The following GPC5 variants were observed in gnomAD, a reference collection of about 807,000 sequenced individuals.
GPC5 encodes glypican 5, also known as glypican-5.
A neutral mutation model predicts 53.9 loss-of-function variants in GPC5; 47 were observed. The ratio of observed to expected loss-of-function variants is 0.87; its 90% CI spans 0.69 to 1.11. The LOEUF (loss-of-function observed/expected upper bound fraction) is 1.11, where lower values mean the gene tolerates loss of function less well. GPC5 is among the 50% of genes most tolerant of loss of function. GPC5 has a pLI of 0.00. For synonymous variants in GPC5, 286 were observed against 263.3 expected (o/e 1.09, Z -0.84); for missense variants, 748 against 713.1 (o/e 1.05, Z -0.56).
intron 2 of GPC5, among the ~76,000 whole-genome samples, chr13:91,603,620 C>T (rs928152573): frequency 1.3e-5 from 2 of 152,234 alleles, no homozygotes; most frequent in East Asian, 1.9e-4. Context: ...GGATCTAAAT[C>T]GTAAACACAG....
intron 7 of GPC5, among the ~76,000 whole-genome samples, chr13:92,669,124 A>G (rs1331519374): frequency 6.6e-6 from 1 of 152,148 alleles, no homozygotes; most frequent in Non-Finnish European, 1.5e-5. Context: ...TCTAACTTTA[A>G]TCACACCAAA....
At chr13:91,578,863 T>C (rs1010159132) in intron 2 of GPC5, among the ~76,000 whole-genome samples, 2 of 151,650 alleles carry the variant, frequency 1.3e-5, no homozygotes, top group Admixed American at 6.6e-5. Flanking sequence ...CTGGGTAACA[T>C]TGTGAAAACC....
intron 6 of GPC5, among the ~76,000 whole-genome samples, chr13:91,978,682 A>G (rs556703222): frequency 6.6e-6 from 1 of 152,306 alleles, no homozygotes; most frequent in South Asian, 2.1e-4. Flanking sequence ...TGGACCATGG[A>G]AAGGAGTGAG....
intron 7 of GPC5, among the ~76,000 whole-genome samples, chr13:92,251,567 G>T (rs1261150625): frequency 3.3e-5 from 5 of 151,972 alleles, no homozygotes. Context: ...CATGATCATG[G>T]GAACGAGCTA....
intron 7 of GPC5, among the ~76,000 whole-genome samples, chr13:92,673,282 C>CT (rs1175742330): frequency 6.9e-6 from 1 of 145,428 alleles, no homozygotes. Context: ...TTTTCTTTTT[C>CT]TTTTTCTTTT....
chr13:91,870,271 G>C (rs976874175), intron 5 of GPC5, among the ~76,000 whole-genome samples: 3 of 152,144 alleles, frequency 2.0e-5, no homozygotes, highest in African/African-American at 7.2e-5. Flanking sequence ...CAAGAGAATG[G>C]TTTGTTAGAA....
chr13:92,506,445 T>C (rs1880372264), intron 7 of GPC5, among the ~76,000 whole-genome samples: 1 of 152,136 alleles, frequency 6.6e-6, no homozygotes, highest in Non-Finnish European at 1.5e-5. Flanking sequence ...TTTTAAATAA[T>C]AATTGATTAT....
At chr13:92,453,405 T>C (rs1175301757) in intron 7 of GPC5, among the ~76,000 whole-genome samples, 2 of 152,034 alleles carry the variant, frequency 1.3e-5, no homozygotes, top group South Asian at 2.1e-4. Flanking sequence ...ACATGGAAAA[T>C]AGGTTGAACT....
chr13:92,528,853 G>T (rs1289855551), intron 7 of GPC5, among the ~76,000 whole-genome samples: 1 of 151,610 alleles, frequency 6.6e-6, no homozygotes, highest in African/African-American at 2.4e-5. Flanking sequence ...TATAAAATAG[G>T]GTTAGACTAT....
chr13:91,831,247 G>T (rs1479380306), intron 5 of GPC5, among the ~76,000 whole-genome samples: 1 of 151,364 alleles, frequency 6.6e-6, no homozygotes, highest in African/African-American at 2.4e-5. Flanking sequence ...TTGGAGGGCA[G>T]GAAGCATCCA....
chr13:91,502,746 T>C (rs1884713128), intron 2 of GPC5, among the ~76,000 whole-genome samples: 1 of 152,246 alleles, frequency 6.6e-6, no homozygotes, highest in South Asian at 2.1e-4. Context: ...TGGCAGGTAA[T>C]GTGCTGGTTA....
intron 2 of GPC5, among the ~76,000 whole-genome samples, chr13:91,685,413 G>A (rs2035600819): frequency 6.6e-6 from 1 of 152,176 alleles, no homozygotes; most frequent in Non-Finnish European, 1.5e-5. Context: ...TAGTTTGGAT[G>A]TATTTGGTAA....
chr13:92,611,563 ATGGAATC>A (rs1361565031), intron 7 of GPC5, among the ~76,000 whole-genome samples: 3 of 151,696 alleles, frequency 2.0e-5, no homozygotes, highest in African/African-American at 7.3e-5. Flanking sequence ...TGTCTATAAA[ATGGAATC>A]TGTTAGTAGT....
At chr13:91,433,649 C>A (rs1256434287) in intron 1 of GPC5, among the ~76,000 whole-genome samples, 1 of 151,908 alleles carries the variant, frequency 6.6e-6, no homozygotes, top group Non-Finnish European at 1.5e-5. Context: ...TGAATAGTGC[C>A]ACAATAAACA....
At chr13:92,766,051 C>T (rs1193658175) in intron 7 of GPC5, among the ~76,000 whole-genome samples, 1 of 152,000 alleles carries the variant, frequency 6.6e-6, no homozygotes, top group Admixed American at 6.6e-5. Flanking sequence ...CTGTAAAAAT[C>T]ATTCTTAGCT....
At chr13:91,635,405 A>G (rs1440516767) in intron 2 of GPC5, among the ~76,000 whole-genome samples, 2 of 152,034 alleles carry the variant, frequency 1.3e-5, no homozygotes, top group African/African-American at 4.8e-5. Context: ...TATTTTTCAA[A>G]TTAATGTAAA....
intron 2 of GPC5, among the ~76,000 whole-genome samples, chr13:91,668,527 A>G (rs2035170654): frequency 6.6e-6 from 1 of 152,140 alleles, no homozygotes; most frequent in South Asian, 2.1e-4. Context: ...TTTAGTGATG[A>G]TCTTTTTGTT....
intron 5 of GPC5, among the ~76,000 whole-genome samples, chr13:91,875,735 T>C (rs2039195089): frequency 6.6e-6 from 1 of 152,334 alleles, no homozygotes; most frequent in Admixed American, 6.5e-5. Flanking sequence ...TTGAAATAAT[T>C]ACAGACTCAA....
intron 7 of GPC5, among the ~76,000 whole-genome samples, chr13:92,491,136 A>G (rs1319069393): frequency 6.6e-6 from 1 of 152,190 alleles, no homozygotes; most frequent in East Asian, 1.9e-4. Flanking sequence ...AATTAAACCT[A>G]TGCTAATGGT....
Sources: allele counts gnomAD v4.1 joint callset (sites outside exome capture counted in the v4.1 genomes callset), GRCh38; gene constraint gnomAD v4.1.1; transcripts MANE v1.5; gene names NCBI Gene and HGNC (gene_info 2026-07-23, HGNC 2026-07-21).